SLC8A1: variants seen among roughly 807,000 people sequenced by gnomAD.
The protein encoded by SLC8A1 is sodium/calcium exchanger 1.
Under a neutral mutation model 68.3 loss-of-function variants are expected in SLC8A1, and 18 were observed. The ratio of observed to expected loss-of-function variants is 0.26; its 90% CI spans 0.18 to 0.39. The LOEUF (loss-of-function observed/expected upper bound fraction) is 0.39, where lower values mean the gene tolerates loss of function less well. Among genes scored for constraint, SLC8A1 ranks in the 10% least tolerant of loss-of-function variants. The pLI is 1.00. For synonymous variants in SLC8A1, 475 were observed against 415.5 expected (o/e 1.14, Z -1.74); for missense variants, 985 against 1,156.7 (o/e 0.85, Z 2.15).
chr2:40,378,004 T>C (rs1680476653), intron 2 of SLC8A1, among the ~76,000 whole-genome samples: 1 of 152,174 alleles, frequency 6.6e-6, no homozygotes, highest in South Asian at 2.1e-4. Context: ...TATCCTGTAC[T>C]CTTTGTCATC....
chr2:40,451,574 C>G (rs567918915), intron 1 of SLC8A1, among the ~76,000 whole-genome samples: 2 of 152,132 alleles, frequency 1.3e-5, no homozygotes, highest in African/African-American at 2.4e-5. Flanking sequence ...CAGAGCCCAG[C>G]GCGGTGCAGG....
At chr2:40,136,728 T>A (rs1255393659) in intron 7 of SLC8A1, among the ~76,000 whole-genome samples, 1 of 152,000 alleles carries the variant, frequency 6.6e-6, no homozygotes. Context: ...TTCTTAGGAG[T>A]CAGGATATAT....
intron 2 of SLC8A1, among the ~76,000 whole-genome samples, chr2:40,259,243 A>T (rs1353055871): frequency 2.0e-5 from 3 of 146,958 alleles, no homozygotes; most frequent in Non-Finnish European, 4.5e-5. Flanking sequence ...ACTTCCAAGG[A>T]TGGAGATAAT....
intron 2 of SLC8A1, among the ~76,000 whole-genome samples, chr2:40,414,685 C>T (rs1488925095): frequency 6.6e-6 from 1 of 151,988 alleles, no homozygotes; most frequent in Non-Finnish European, 1.5e-5. Flanking sequence ...GGTACTTTTT[C>T]AATAACTCTT....
At chr2:40,244,899 T>A (rs2061663229) in intron 2 of SLC8A1, among the ~76,000 whole-genome samples, 1 of 152,268 alleles carries the variant, frequency 6.6e-6, no homozygotes, top group Admixed American at 6.5e-5. Context: ...GTCTGGGGGA[T>A]AAGTCCCAGT....
intron 4 of SLC8A1, among the ~76,000 whole-genome samples, chr2:40,170,658 G>A (rs539668361): frequency 5.6e-4 from 85 of 152,290 alleles, no homozygotes; most frequent in African/African-American, 2.0e-3. Context: ...TAAATGATGT[G>A]TCAAGGTCCT....
At chr2:40,293,471 T>A (rs538618779) in intron 2 of SLC8A1, among the ~76,000 whole-genome samples, 2 of 152,336 alleles carry the variant, frequency 1.3e-5, no homozygotes, top group Admixed American at 1.3e-4. Flanking sequence ...TTAGAGTTTG[T>A]ATACTAGTCA....
intron 2 of SLC8A1, among the ~76,000 whole-genome samples, chr2:40,227,482 G>T (rs1231250382): frequency 2.0e-5 from 3 of 151,948 alleles, no homozygotes; most frequent in Non-Finnish European, 4.4e-5. Flanking sequence ...AACCAAATAC[G>T]ACGTGTTCTG....
chr2:40,232,460 C>T (rs763158384), intron 2 of SLC8A1, among the ~76,000 whole-genome samples: 18 of 147,372 alleles, frequency 1.2e-4, no homozygotes, highest in Non-Finnish European at 2.2e-4. Flanking sequence ...GTGTGCCTTT[C>T]GAATGGCCTC....
intron 2 of SLC8A1, among the ~76,000 whole-genome samples, chr2:40,371,950 A>G (rs545607408): frequency 6.6e-6 from 1 of 152,230 alleles, no homozygotes; most frequent in East Asian, 1.9e-4. Context: ...CGTACATGGA[A>G]CTGGGATGTA....
At chr2:40,288,635 C>T (rs1291010093) in intron 2 of SLC8A1, among the ~76,000 whole-genome samples, 1 of 151,960 alleles carries the variant, frequency 6.6e-6, no homozygotes, top group African/African-American at 2.4e-5. Context: ...TTAGTGACTT[C>T]ATGTTGGTGG....
chr2:40,493,654 T>A (rs895900768), intron 1 of SLC8A1, among the ~76,000 whole-genome samples: 9 of 102,850 alleles, frequency 8.8e-5, no homozygotes, highest in Non-Finnish European at 1.3e-4. Flanking sequence ...CTCAGTATTT[T>A]TTTTTTTTTT....
chr2:40,423,768 T>G (rs1362603044), intron 2 of SLC8A1, among the ~76,000 whole-genome samples: 2 of 152,052 alleles, frequency 1.3e-5, no homozygotes, highest in Non-Finnish European at 2.9e-5. Flanking sequence ...CTGGCAGTAC[T>G]AAATTCAGAC....
At chr2:40,139,629 A>T in exon 7 of SLC8A1, 1 of 1,614,136 alleles carries the variant, frequency 6.2e-7, no homozygotes, top group Non-Finnish European at 8.5e-7. Flanking sequence ...TAATCGAAAC[A>T]GGAGGGCAGC....
At chr2:40,358,632 G>C (rs1443744942) in intron 2 of SLC8A1, among the ~76,000 whole-genome samples, 1 of 152,140 alleles carries the variant, frequency 6.6e-6, no homozygotes, top group Non-Finnish European at 1.5e-5. Context: ...CTTGCATGTA[G>C]TCATTCACCC....
intron 6 of SLC8A1, among the ~76,000 whole-genome samples, chr2:40,151,367 T>A (rs1412137735): frequency 6.6e-6 from 1 of 152,196 alleles, no homozygotes; most frequent in East Asian, 1.9e-4. Flanking sequence ...ATTGGAAAAC[T>A]TTAATTCACA....
At chr2:40,163,684 C>T (rs977019085) in intron 5 of SLC8A1, among the ~76,000 whole-genome samples, 1 of 151,958 alleles carries the variant, frequency 6.6e-6, no homozygotes, top group Non-Finnish European at 1.5e-5. Context: ...CTGTTTACCC[C>T]CGGACCCCCT....
intron 2 of SLC8A1, among the ~76,000 whole-genome samples, chr2:40,357,510 A>AAAC (rs1218343545): frequency 1.3e-5 from 2 of 151,568 alleles, no homozygotes; most frequent in African/African-American, 2.4e-5. Flanking sequence ...AAAAAAAAAA[A>AAAC]AAAAAAACAC....
intron 1 of SLC8A1, among the ~76,000 whole-genome samples, chr2:40,488,738 G>A (rs753262950): frequency 8.5e-5 from 13 of 152,076 alleles, no homozygotes; most frequent in Admixed American, 3.9e-4. Context: ...TCTTTGTGCC[G>A]TGTTAATATT....
Sources: allele counts gnomAD v4.1 joint callset (sites outside exome capture counted in the v4.1 genomes callset), GRCh38; gene constraint gnomAD v4.1.1; transcripts MANE v1.5; gene names NCBI Gene and HGNC (gene_info 2026-07-23, HGNC 2026-07-21).